The following RTL4 variants were observed in gnomAD, a reference collection of about 807,000 sequenced individuals.
The protein encoded by RTL4 is retrotransposon Gag-like protein 4.
Under a neutral mutation model 5.3 loss-of-function variants are expected in RTL4, and 4 were observed. The ratio of observed to expected loss-of-function variants is 0.75; its 90% CI spans 0.37 to 1.72. The LOEUF (loss-of-function observed/expected upper bound fraction) is 1.72. Among genes scored for constraint, RTL4 ranks in the 40% most tolerant of loss-of-function variants. RTL4 has a pLI of 0.04. For synonymous variants in RTL4, 98 were observed against 87.3 expected (o/e 1.12, Z -0.68); for missense variants, 260 against 227.1 (o/e 1.14, Z -0.93).
the RTL4 span, among the ~76,000 whole-genome samples, chrX:112,118,122 G>A: frequency 1.8e-5 from 2 of 112,090 alleles, no homozygotes; most frequent in African/African-American, 6.5e-5. Context: ...GCTTTCATAA[G>A]AAATCACACC....
At chrX:112,177,974 A>C in the RTL4 span, among the ~76,000 whole-genome samples, 1 of 110,504 alleles carries the variant, frequency 9.0e-6, no homozygotes, top group African/African-American at 3.3e-5. Context: ...ATTAAAAAAA[A>C]AAAAACAGTC....
chrX:112,456,880 A>G (rs1266318703), exon 1 of RTL4: 4 of 123,668 alleles, frequency 3.2e-5, no homozygotes, highest in African/African-American at 1.3e-4. Flanking sequence ...TTTATTGCTT[A>G]TGTTTTACTC....
At chrX:112,219,780 AT>A in the RTL4 span, among the ~76,000 whole-genome samples, 8 of 112,132 alleles carry the variant, frequency 7.1e-5, no homozygotes, top group South Asian at 2.6e-3. Context: ...ATATTCTCAA[AT>A]TTTTTTTGTA....
the RTL4 span, among the ~76,000 whole-genome samples, chrX:112,431,283 G>A: frequency 9.0e-6 from 1 of 111,476 alleles, no homozygotes; most frequent in Non-Finnish European, 1.9e-5. Context: ...TTAAAGGCAG[G>A]CATTGTTAAG....
At chrX:112,293,157 C>T in the RTL4 span, among the ~76,000 whole-genome samples, 1 of 112,295 alleles carries the variant, frequency 8.9e-6, no homozygotes, top group African/African-American at 3.2e-5. Context: ...CATTATTCCC[C>T]ATGTAGGCAA....
At chrX:112,273,910 C>T in the RTL4 span, among the ~76,000 whole-genome samples, 4 of 112,064 alleles carry the variant, frequency 3.6e-5, no homozygotes, top group Non-Finnish European at 5.6e-5. Context: ...TGGCACATAG[C>T]AAATCTCAAC....
At chrX:112,412,638 A>C in the RTL4 span, among the ~76,000 whole-genome samples, 18 of 111,626 alleles carry the variant, frequency 1.6e-4, no homozygotes, top group Non-Finnish European at 3.0e-4. Context: ...GTGGTGGGAA[A>C]ACTGGATATC....
the RTL4 span, among the ~76,000 whole-genome samples, chrX:112,436,146 G>T: frequency 9.1e-6 from 1 of 110,284 alleles, no homozygotes; most frequent in African/African-American, 3.3e-5. Flanking sequence ...GAACCTGGGT[G>T]ATGGAGGTTA....
At chrX:112,339,025 C>T in the RTL4 span, among the ~76,000 whole-genome samples, 1 of 110,828 alleles carries the variant, frequency 9.0e-6, no homozygotes, top group Non-Finnish European at 1.9e-5. Flanking sequence ...GCTAAATATA[C>T]AGGTACAAAA....
chrX:112,448,175 G>A, the RTL4 span, among the ~76,000 whole-genome samples: 4 of 112,149 alleles, frequency 3.6e-5, no homozygotes, highest in Non-Finnish European at 5.6e-5. Context: ...GGCAGGAAAA[G>A]ACCTTTTATT....
chrX:112,237,003 T>C, the RTL4 span, among the ~76,000 whole-genome samples: 1 of 110,812 alleles, frequency 9.0e-6, no homozygotes, highest in South Asian at 3.8e-4. Context: ...GCTTTGAAGA[T>C]GGAAGAGAGT....
chrX:112,152,985 A>C, the RTL4 span, among the ~76,000 whole-genome samples: 8 of 111,827 alleles, frequency 7.2e-5, no homozygotes, highest in Non-Finnish European at 1.5e-4. Flanking sequence ...TAGAGTGCTT[A>C]ATTTATAGCC....
the RTL4 span, among the ~76,000 whole-genome samples, chrX:112,093,525 C>T: frequency 9.0e-6 from 1 of 111,496 alleles, no homozygotes; most frequent in African/African-American, 3.3e-5. Flanking sequence ...TCTTCCTTCC[C>T]CAAATATTTG....
chrX:112,301,877 A>G, the RTL4 span, among the ~76,000 whole-genome samples: 3 of 109,227 alleles, frequency 2.7e-5, no homozygotes, highest in African/African-American at 1.0e-4. Context: ...AGGCAAGAGA[A>G]TTGCTTGAGC....
the RTL4 span, among the ~76,000 whole-genome samples, chrX:112,317,212 G>C: frequency 9.0e-6 from 1 of 111,585 alleles, no homozygotes; most frequent in Non-Finnish European, 1.9e-5. Context: ...ATGGTGGCGT[G>C]CACCTGTAGT....
the RTL4 span, among the ~76,000 whole-genome samples, chrX:112,318,521 T>G: frequency 8.9e-6 from 1 of 112,145 alleles, no homozygotes; most frequent in East Asian, 2.8e-4. Context: ...AATTATACCA[T>G]CATCATTTTG....
At chrX:112,454,586 C>A (rs1926798367) in exon 1 of RTL4, 1 of 533,821 alleles carries the variant, frequency 1.9e-6, no homozygotes. Context: ...GTTAGCATCT[C>A]CTAGTGTCTT....
chrX:112,393,103 G>A, the RTL4 span, among the ~76,000 whole-genome samples: 2 of 109,203 alleles, frequency 1.8e-5, no homozygotes, highest in South Asian at 8.1e-4. Context: ...TATAAAAGCA[G>A]TCTGACCATT....
At chrX:112,151,204 C>T in the RTL4 span, among the ~76,000 whole-genome samples, 1 of 112,412 alleles carries the variant, frequency 8.9e-6, no homozygotes, top group Non-Finnish European at 1.9e-5. Flanking sequence ...TATCAGTGCA[C>T]GGTCTCACAG....
Sources: gnomAD v4.1 joint callset for allele counts (sites outside exome capture counted in the v4.1 genomes callset) on GRCh38, gnomAD v4.1.1 for gene constraint, MANE v1.5 for transcripts, NCBI Gene and HGNC (gene_info 2026-07-23, HGNC 2026-07-21) for gene names.